LAMC3: variants seen among roughly 807,000 people sequenced by gnomAD.
LAMC3 encodes the protein laminin subunit gamma-3.
Under a neutral mutation model 173.8 loss-of-function variants are expected in LAMC3, and 128 were observed. That is an observed-to-expected ratio of 0.74 (90% CI 0.64 to 0.85). The LOEUF is 0.85. LAMC3 is among the 40% of genes least tolerant of loss of function. The pLI is 0.00. For missense variants in LAMC3, 2,022 were observed against 2,156.0 expected, an observed-to-expected ratio of 0.94 and a Z score of 1.23; for synonymous variants, 897 against 909.1, an observed-to-expected ratio of 0.99 and a Z score of 0.24.
At position 131,068,125 on chromosome 9, in the gene LAMC3, G is replaced by A. The variant is rs776469370; in HGVS notation, c.2641G>A (p.Asp881Asn). Residue 881 changes from aspartate to asparagine, a missense_variant, in exon 15 of 28, where the codon GAC becomes AAC. Coordinates refer to ENST00000361069, the MANE Select transcript of LAMC3 (RefSeq NM_006059.4). ...QGSVSEQMPC[D>N]PVTGQCSCLP... ...CTCGGTCAGTGAGCAGATGCCCTGC[G>A]ACCCAGTGACAGGCCAATGCTCCTG... 5 of 1,612,962 alleles carry A rather than the reference G, an allele frequency of 3.1e-6. No individual in the cohort carries two copies. Among genetic ancestry groups the A allele is most frequent in the Non-Finnish European group, 4.2e-6 (5 of 1,180,008 alleles).
At chr9:131,017,666 G>A (rs1833548834) in intron 1 of LAMC3, among the ~76,000 whole-genome samples, 1 of 139,842 alleles carries the variant, frequency 7.2e-6, no homozygotes, top group Non-Finnish European at 1.5e-5. Flanking sequence ...AGAGGTTGCA[G>A]TGAGCCGAGA....
Position 131,055,423 on chromosome 9 carries a change from C to CTTTTTTTTTTTTTTTTTTTTTT in LAMC3, c.1940-1487_1940-1486insTTTTTTTTTTTTTTTTTTTTTT, listed in dbSNP as rs56220728. Among the ~76,000 whole-genome samples, 2 of 109,216 alleles carry CTTTTTTTTTTTTTTTTTTTTTT rather than the reference C, an allele frequency of 1.8e-5. 1 individual carries two copies. The highest frequency in any genetic ancestry group is 3.5e-5 in the Non-Finnish European group (2 of 56,448). 71.6% of individuals were successfully genotyped at this position (109,216 alleles called of 152,430 possible). Reference sequence around the variant, plus strand: ...ATCCACACTCTTTTTTCTTTTCTTTCTTTTTTTTTTTTTTTTTTTGAGACG... The same window carrying CTTTTTTTTTTTTTTTTTTTTTT: ...ATCCACACTCTTTTTTCTTTTCTTTCTTTTTTTTTTTTTTTTTTTTTTTTTTTTTTTTTTTTTTTTTGAGACG... On this transcript the variant is annotated intron_variant, in intron 11 of 27. Coordinates refer to ENST00000361069, the MANE Select transcript of LAMC3 (RefSeq NM_006059.4).
intron 1 of LAMC3, among the ~76,000 whole-genome samples, chr9:131,012,443 G>A (rs575087211): frequency 4.6e-5 from 7 of 152,338 alleles, no homozygotes; most frequent in East Asian, 1.9e-4. Flanking sequence ...TGTGACCAGC[G>A]TGGCTGCTGA....
At position 131,030,882 on chromosome 9, in the gene LAMC3, C is replaced by T. The variant is rs566801352; in HGVS notation, c.679-1163C>T. 2.4e-4 allele frequency among the ~76,000 whole-genome samples: 36 copies of T among 152,358 alleles called. No homozygotes were observed. In the South Asian group the frequency reaches 7.5e-3, roughly 32 times the overall value. On this transcript the variant is annotated intron_variant, in intron 2 of 27. Coordinates refer to ENST00000361069, the MANE Select transcript of LAMC3 (RefSeq NM_006059.4). ...AGAAACGCAAGCTCCCCAGCTCCAC[C>T]GCTGACCCCTGAATCAGAAGCTGCA...
intron 22 of LAMC3, among the ~76,000 whole-genome samples, chr9:131,077,622 A>G (rs1001378433): frequency 3.0e-5 from 4 of 131,958 alleles, no homozygotes; most frequent in Non-Finnish European, 6.2e-5. Context: ...GGCTGCAGTG[A>G]GCCAAGATTG....
chr9:131,068,547 G>A (rs1051426533), intron 15 of LAMC3, among the ~76,000 whole-genome samples: 5 of 152,148 alleles, frequency 3.3e-5, no homozygotes, highest in East Asian at 1.9e-4. Flanking sequence ...TTAGACAAGT[G>A]TTCTTAGGGA....
At position 131,071,573 on chromosome 9, in the gene LAMC3, G is replaced by T. The variant is rs765696118; in HGVS notation, c.3159G>T (p.Leu1053=). The change falls in exon 18 of 28, where the codon CTG becomes CTT. Residue 1053 remains leucine, a synonymous_variant. Coordinates refer to ENST00000361069, the MANE Select transcript of LAMC3 (RefSeq NM_006059.4). ...CGSPWGPLDI[L]LGEAPRGDVY... ...GTCCCTGGGGACCACTAGACATTCT[G>T]CTGGGAGAGGCCCCAAGGGGGGACG... 22 of 1,610,648 alleles carry T rather than the reference G, an allele frequency of 1.4e-5. No homozygotes were observed. The highest frequency in any genetic ancestry group is 1.9e-5 in the Non-Finnish European group (22 of 1,177,798).
intron 9 of LAMC3, among the ~76,000 whole-genome samples, chr9:131,050,664 A>G (rs1834265019): frequency 6.6e-6 from 1 of 152,026 alleles, no homozygotes; most frequent in Non-Finnish European, 1.5e-5. Context: ...GCTACTCAGG[A>G]GGCTGAGACA....
intron 3 of LAMC3, among the ~76,000 whole-genome samples, chr9:131,032,445 C>CCCTCCCTCCCTTCCTCCCTT (rs1564368188): frequency 6.6e-6 from 1 of 150,422 alleles, no homozygotes; most frequent in Non-Finnish European, 1.5e-5. Context: ...CTTCCTCCCT[C>CCCTCCCTCCCTTCCTCCCTT]CCTCCCTCCC....
intron 25 of LAMC3, 169 bp downstream of exon 25, chr9:131,085,892 C>A: frequency 1.4e-6 from 1 of 708,622 alleles, no homozygotes; most frequent in Non-Finnish European, 2.6e-6. Flanking sequence ...GGGTTCCTCA[C>A]GAAATAGGTG....
At chr9:131,014,897 C>A (rs981871126) in intron 1 of LAMC3, among the ~76,000 whole-genome samples, 1 of 152,132 alleles carries the variant, frequency 6.6e-6, no homozygotes, top group South Asian at 2.1e-4. Context: ...GTGGGAGGAT[C>A]GCTGGAGCCT....
Position 131,009,296 on chromosome 9 carries a change from G to T in LAMC3, c.82G>T (p.Gly28Cys), listed in dbSNP as rs1833359056. 2.1e-6 allele frequency: 3 copies of T among 1,426,476 alleles called. No homozygotes were observed. Among genetic ancestry groups the T allele is most frequent in the Non-Finnish European group, 2.7e-6 (3 of 1,095,844 alleles). 88.4% of individuals were successfully genotyped at this position (1,426,476 alleles called of 1,614,324 possible). A position where few individuals can be genotyped will look rare whatever the true frequency, so the allele number is the denominator to read the frequency against. The change falls in exon 1 of 28, where the codon GGC becomes TGC. Residue 28 changes from glycine to cysteine, a missense_variant. Coordinates refer to ENST00000361069, the MANE Select transcript of LAMC3 (RefSeq NM_006059.4). The surrounding 1 kb of genome is among the most constrained non-coding windows in gnomAD (Gnocchi z 4.3). ...AGAGMGACYDGAGRPQRCLPV... is the reference protein window; with the variant it reads ...AGAGMGACYDCAGRPQRCLPV... Reference sequence around the variant, plus strand: ...CGCGGGCATGGGCGCGTGCTATGACGGCGCAGGGCGCCCGCAGCGCTGCCT... The same window carrying T: ...CGCGGGCATGGGCGCGTGCTATGACTGCGCAGGGCGCCCGCAGCGCTGCCT...
At chr9:131,073,148 G>T in intron 19 of LAMC3, 97 bp from the exon 20 acceptor site, 1 of 942,266 alleles carries the variant, frequency 1.1e-6, no homozygotes. Context: ...ATAAAACGAC[G>T]GGTGCCATCC....
At chr9:131,011,364 G>A (rs1314034131) in intron 1 of LAMC3, among the ~76,000 whole-genome samples, 1 of 152,192 alleles carries the variant, frequency 6.6e-6, no homozygotes, top group Non-Finnish European at 1.5e-5. Flanking sequence ...TGCTAAGTGA[G>A]CATCTGAGCG....
chr9:131,059,490 C>CAAAAAAAA (rs58064050), intron 12 of LAMC3, among the ~76,000 whole-genome samples: 5 of 64,370 alleles, frequency 7.8e-5, no homozygotes, highest in Non-Finnish European at 1.1e-4. Context: ...GACTCCGTCT[C>CAAAAAAAA]AAAAAAAAAA....
chr9:131,056,404 G>GGAAA (rs1564378932), intron 11 of LAMC3, among the ~76,000 whole-genome samples: 1 of 151,564 alleles, frequency 6.6e-6, no homozygotes, highest in Non-Finnish European at 1.5e-5. Context: ...AATAACCTGT[G>GGAAA]GATGGATATC....
chr9:131,076,468 G>A lies in LAMC3; in HGVS notation c.3629+503G>A, dbSNP rs191487690. On this transcript the variant is annotated intron_variant, in intron 21 of 27. Transcript: ENST00000361069. ...ATTCCTAAACGAGACATTCCTAAAC[G>A]AGAATGGGATTGGCTCCGCTTAGAT... Among the ~76,000 whole-genome samples, 528 of 152,262 alleles carry A rather than the reference G, an allele frequency of 3.5e-3. 1 individual carries two copies. Among genetic ancestry groups the A allele is most frequent in the South Asian group, 6.8e-3 (33 of 4,820 alleles).
chr9:131,013,268 T>C (rs867142609), intron 1 of LAMC3, among the ~76,000 whole-genome samples: 9 of 152,054 alleles, frequency 5.9e-5, no homozygotes, highest in Non-Finnish European at 1.3e-4. Flanking sequence ...GCTAGGCTGG[T>C]CCACATGCTT....
intron 3 of LAMC3, among the ~76,000 whole-genome samples, chr9:131,034,996 G>A (rs1268479620): frequency 6.6e-6 from 1 of 152,098 alleles, no homozygotes; most frequent in African/African-American, 2.4e-5. Flanking sequence ...CGTTGCCCAG[G>A]CTGGAGTGCA....
Sources: allele counts gnomAD v4.1 joint callset (sites outside exome capture counted in the v4.1 genomes callset), GRCh38; gene constraint gnomAD v4.1.1; non-coding constraint Gnocchi (gnomAD v3.1); transcripts MANE v1.5; gene names NCBI Gene and HGNC (gene_info 2026-07-23, HGNC 2026-07-21).